Variants in CACNA1B observed in about 807,000 individuals in gnomAD.
CACNA1B encodes calcium voltage-gated channel subunit alpha1 B.
A neutral mutation model predicts 247.2 loss-of-function variants in CACNA1B; 70 were observed. The observed-to-expected ratio is 0.28, with a 90% CI of 0.23 to 0.35. The LOEUF is 0.35. Ranked by LOEUF, CACNA1B falls within the 10% of genes least tolerant of loss-of-function variation. CACNA1B has a pLI of 1.00. For missense variants in CACNA1B, 2,367 were observed against 3,197.4 expected (o/e 0.74, Z 6.26); for synonymous variants, 1,231 against 1,294.4 (o/e 0.95, Z 1.05).
At chr9:137,883,216 C>T (rs1325272043) in intron 3 of CACNA1B, among the ~76,000 whole-genome samples, 5 of 151,580 alleles carry the variant, frequency 3.3e-5, no homozygotes, top group Admixed American at 1.3e-4. Context: ...GGCTTTGCTG[C>T]CCAGGTGAGG....
chr9:137,936,173 A>ATGACCGCCATTCTAAC (rs1451260218), intron 6 of CACNA1B, among the ~76,000 whole-genome samples: 1 of 152,106 alleles, frequency 6.6e-6, no homozygotes, highest in Non-Finnish European at 1.5e-5. Context: ...TGACTTTTTA[A>ATGACCGCCATTCTAAC]TGACCGCCAT....
intron 20 of CACNA1B, chr9:138,032,556 G>T: frequency 2.3e-5 from 8 of 352,288 alleles, no homozygotes; most frequent in Admixed American, 3.9e-5. Flanking sequence ...TTCTTTTGTG[G>T]TAGGTCTGCG....
rs1957866361 is a variant in CACNA1B, at chr9:137,950,473, C to G, written c.967-1801C>G. 6.6e-6 allele frequency among the ~76,000 whole-genome samples: 1 copy of G among 152,184 alleles called. No homozygotes were observed. Among genetic ancestry groups the G allele is most frequent in the African/African-American group, 2.4e-5 (1 of 41,430 alleles). On this transcript the variant is annotated intron_variant, in intron 6 of 46. Transcript: ENST00000371372. The surrounding 1 kb of genome is among the most constrained non-coding windows in gnomAD (Gnocchi z 4.8). ...ATAACCCCTGCTGAGGAGGAACGTTCCACTTCCTACTTGGCTTTCTCTGAC... is the reference window on the plus strand; with the variant it reads ...ATAACCCCTGCTGAGGAGGAACGTTGCACTTCCTACTTGGCTTTCTCTGAC...
rs375535768 is a variant in CACNA1B at position 138,121,658 on chromosome 9, C to A, written c.6679C>A (p.Arg2227=). The stretch of plus-strand genomic sequence containing the variant: ...CAGCCTCCCTGCCTTCTCCCCAGGC[C>A]GGCTCAGCCGTGGGCTTTCCGAACA... ...QTSLPAFSPG[R]LSRGLSEHNA... is the part of the protein sequence containing the mutation. The change falls in exon 47 of 47, where the codon CGG becomes AGG. Residue 2227 remains arginine, a synonymous_variant. Transcript: ENST00000371372. The surrounding 1 kb of genome is among the most constrained non-coding windows in gnomAD (Gnocchi z 6.8). 6.2e-7 allele frequency: 1 copy of A among 1,612,926 alleles called. No individual in the cohort carries two copies. Among genetic ancestry groups the A allele is most frequent in the Non-Finnish European group, 8.5e-7 (1 of 1,179,336 alleles).
In CACNA1B at chr9:137,952,392, G is replaced by C; in HGVS notation, c.1070+15G>C. The C allele has an allele frequency of 1.2e-6, 2 of 1,603,560 alleles. No homozygotes were observed. The highest frequency in any genetic ancestry group is 2.2e-5 in the East Asian group (1 of 44,816). On this transcript the variant is annotated intron_variant, in intron 7 of 46. Transcript: ENST00000371372. This position sits in a 1 kb window ranked among gnomAD's most constrained non-coding sequence, Gnocchi z 4.8. ...GTGCTCTCGGGGTGAGAGACCATGTGGGGGATGTGCAGGTGCCCCTCTGTG... is the reference window on the plus strand; with the variant it reads ...GTGCTCTCGGGGTGAGAGACCATGTCGGGGATGTGCAGGTGCCCCTCTGTG...
Position 138,058,780 on chromosome 9 carries a change from G to A in CACNA1B, c.4473+47G>A. On this transcript the variant is annotated intron_variant, in intron 29 of 46. Transcript: ENST00000371372. This position sits in a 1 kb window ranked among gnomAD's most constrained non-coding sequence, Gnocchi z 4.7. ...GGGGCAGCTGGCGCTGCTAGGGATT[G>A]GGATCTAACCCTGAGGCTGAGTGGA... is the stretch of plus-strand genomic sequence containing the variant. 6.5e-7 allele frequency: 1 copy of A among 1,535,430 alleles called. No individual in the cohort carries two copies. The highest frequency in any genetic ancestry group is 1.2e-5 in the South Asian group (1 of 84,294).
intron 18 of CACNA1B, among the ~76,000 whole-genome samples, chr9:138,019,622 G>C (rs1482364338): frequency 2.0e-5 from 3 of 152,146 alleles, no homozygotes; most frequent in Non-Finnish European, 4.4e-5. Flanking sequence ...CCCTGTCCTA[G>C]TGGTGGTGAG....
chr9:138,062,746 C>T lies in CACNA1B; in HGVS notation c.4668+3009C>T, dbSNP rs542738012. 2.0e-5 allele frequency among the ~76,000 whole-genome samples: 3 copies of T among 152,364 alleles called. No homozygotes were observed. The East Asian group carries it at 5.8e-4, about 29-fold the overall frequency. On this transcript the variant is annotated intron_variant, in intron 31 of 46. Transcript: ENST00000371372. ...GTATCCTTACCTACCACATACACAT[C>T]AAGGACCCTGGGGGTTGCTGGGTTT... is the stretch of plus-strand genomic sequence containing the variant.
rs535337823 is a variant in CACNA1B at position 137,878,707 on chromosome 9, C to T, written c.285-347C>T. Among the ~76,000 whole-genome samples the T allele has an allele frequency of 2.0e-5, 3 of 152,244 alleles. No individual in the cohort carries two copies. The East Asian group carries it at 5.8e-4, about 30-fold the overall frequency. Reference sequence around the variant, plus strand: ...CTGGAGGGAGCAGCGTGCGCCTGCGCGGGGTCTCCCTCCAGCCTCGCCTGG... The same window carrying T: ...CTGGAGGGAGCAGCGTGCGCCTGCGTGGGGTCTCCCTCCAGCCTCGCCTGG... On this transcript the variant is annotated intron_variant, in intron 1 of 46. Coordinates refer to ENST00000371372, the MANE Select transcript of CACNA1B (RefSeq NM_000718.4).
chr9:138,091,415 T>C (rs1292722792), intron 36 of CACNA1B, among the ~76,000 whole-genome samples: 2 of 152,044 alleles, frequency 1.3e-5, no homozygotes, highest in Non-Finnish European at 2.9e-5. Context: ...TAGCCAAAGG[T>C]TGGTGAACGG....
rs769313388 is a variant in CACNA1B, at chr9:138,120,876, C to T, written c.6484C>T (p.Pro2162Ser). The T allele has an allele frequency of 2.0e-5, 31 of 1,568,426 alleles. No individual in the cohort carries two copies. The highest frequency in any genetic ancestry group is 1.7e-6 in the Non-Finnish European group (2 of 1,157,232). The change falls in exon 46 of 47, where the codon CCA becomes TCA. Residue 2162 changes from proline to serine, a missense_variant. Pro to Ser is a moderately conservative substitution (Grantham distance 74). This residue lies in a region of CACNA1B where 773 missense variants were observed against 779.4 expected (regional missense o/e 0.99). Coordinates refer to ENST00000371372, the MANE Select transcript of CACNA1B (RefSeq NM_000718.4). ...PTAGQEPGPH[P>S]QGSGSVNGSP... is the part of the protein sequence containing the mutation. ...AGCTGGCCAGGAGCCGGGACCCCACCCACAGGTAAGAGGAATAGGTGGAGA... is the reference window on the plus strand; with the variant it reads ...AGCTGGCCAGGAGCCGGGACCCCACTCACAGGTAAGAGGAATAGGTGGAGA...
chr9:137,950,532 C>T lies in CACNA1B; in HGVS notation c.967-1742C>T, dbSNP rs1288475639. 6.6e-6 allele frequency among the ~76,000 whole-genome samples: 1 copy of T among 152,162 alleles called. No homozygotes were observed. Among genetic ancestry groups the T allele is most frequent in the Non-Finnish European group, 1.5e-5 (1 of 68,032 alleles). ...ATGGAGGGTGAGGGGATTCGGATGC[C>T]TCACTGCAGTCTAGGTGCTCCTCTG... is the stretch of plus-strand genomic sequence containing the variant. On this transcript the variant is annotated intron_variant, in intron 6 of 46. Coordinates refer to ENST00000371372, the MANE Select transcript of CACNA1B (RefSeq NM_000718.4). This position sits in a 1 kb window ranked among gnomAD's most constrained non-coding sequence, Gnocchi z 4.8.
intron 36 of CACNA1B, among the ~76,000 whole-genome samples, chr9:138,083,902 C>A (rs1040799423): frequency 1.1e-4 from 16 of 150,780 alleles, no homozygotes; most frequent in Non-Finnish European, 1.9e-4. Flanking sequence ...ATCCCAGGGT[C>A]TAGAGTAACC....
At chr9:137,993,714 C>G (rs189868251) in intron 15 of CACNA1B, among the ~76,000 whole-genome samples, 1 of 151,992 alleles carries the variant, frequency 6.6e-6, no homozygotes, top group South Asian at 2.1e-4. Flanking sequence ...AAAAAAATTA[C>G]GAACAAAATA....
Position 138,023,588 on chromosome 9 carries a change from G to A in CACNA1B, c.2845G>A (p.Gly949Ser), listed in dbSNP as rs1958878947. 1 of 1,077,024 alleles carries A rather than the reference G, an allele frequency of 9.3e-7. No individual in the cohort carries two copies. Among genetic ancestry groups the A allele is most frequent in the Non-Finnish European group, 1.1e-6 (1 of 886,824 alleles). The allele number at this position is 1,077,024 out of a possible 1,614,324, so 66.7% of individuals were successfully genotyped here. A position where few individuals can be genotyped will look rare whatever the true frequency, so the allele number is the denominator to read the frequency against. ...RHQDPSKECA[G>S]AKGERRARHR... Reference sequence around the variant, plus strand: ...CCAGGATCCGAGCAAGGAGTGCGCCGGCGCCAAGGGCGAGCGGCGCGCGCG... The same window carrying A: ...CCAGGATCCGAGCAAGGAGTGCGCCAGCGCCAAGGGCGAGCGGCGCGCGCG... Residue 949 changes from glycine (G) to serine (S), a missense_variant, in exon 19 of 47, where the codon GGC (glycine) becomes AGC (serine). Gly to Ser is a moderately conservative substitution (Grantham distance 56). This residue lies in a region of CACNA1B where 631 missense variants were observed against 631.1 expected (regional missense o/e 1.00). Coordinates refer to ENST00000371372, the MANE Select transcript of CACNA1B (RefSeq NM_000718.4).
chr9:138,073,533 C>A lies in CACNA1B; in HGVS notation c.4720C>A (p.Arg1574=), dbSNP rs202217999. 1 of 1,613,214 alleles carries A rather than the reference C, an allele frequency of 6.2e-7. No homozygotes were observed. The highest frequency in any genetic ancestry group is 1.3e-5 in the African/African-American group (1 of 74,934). Residue 1574 remains arginine, a synonymous_variant, in exon 33 of 47, where the codon CGG becomes AGG. Coordinates refer to ENST00000371372, the MANE Select transcript of CACNA1B (RefSeq NM_000718.4). This position sits in a 1 kb window ranked among gnomAD's most constrained non-coding sequence, Gnocchi z 6.4. ...CTTCCTCCGCCTCTTTCGAGCTGCG[C>A]GGCTGATCAAGCTGCTCCGCCAGGG... ...LSFLRLFRAA[R]LIKLLRQGYT...
In CACNA1B at chr9:138,059,775, G is replaced by A. The variant is rs760492168; in HGVS notation, c.4668+38G>A. On this transcript the variant is annotated intron_variant, in intron 31 of 46. Transcript: ENST00000371372. The surrounding 1 kb of genome is among the most constrained non-coding windows in gnomAD (Gnocchi z 4.2). The stretch of plus-strand genomic sequence containing the variant: ...TCTGTCCCTCCTTCAGGGTCCCCAG[G>A]TGGTTTCCTTCTAGAGCCTGCTCCC... The A allele has an allele frequency of 7.9e-7, 1 of 1,271,094 alleles. No homozygotes were observed. Among genetic ancestry groups the A allele is most frequent in the South Asian group, 1.2e-5 (1 of 83,976 alleles). The allele number at this position is 1,271,094 out of a possible 1,614,324, so 78.7% of individuals were successfully genotyped here. A position where few individuals can be genotyped will look rare whatever the true frequency, so the allele number is the denominator to read the frequency against.
At chr9:137,894,030 G>A (rs1957141337) in intron 3 of CACNA1B, among the ~76,000 whole-genome samples, 1 of 152,194 alleles carries the variant, frequency 6.6e-6, no homozygotes, top group Non-Finnish European at 1.5e-5. Context: ...CTTTGGATTT[G>A]CCTTTTTCAC....
chr9:137,950,486 G>A lies in CACNA1B; in HGVS notation c.967-1788G>A, dbSNP rs1381853870. On this transcript the variant is annotated intron_variant, in intron 6 of 46. Transcript: ENST00000371372. The surrounding 1 kb of genome is among the most constrained non-coding windows in gnomAD (Gnocchi z 4.8). The stretch of plus-strand genomic sequence containing the variant: ...AGGAGGAACGTTCCACTTCCTACTT[G>A]GCTTTCTCTGACAGCACCCCATGGA... 6.6e-6 allele frequency among the ~76,000 whole-genome samples: 1 copy of A among 152,220 alleles called. No individual in the cohort carries two copies. The highest frequency in any genetic ancestry group is 6.5e-5 in the Admixed American group (1 of 15,288).
Sources: allele counts gnomAD v4.1 joint callset (sites outside exome capture counted in the v4.1 genomes callset), GRCh38; gene constraint gnomAD v4.1.1; regional missense constraint gnomAD v4.1.1; non-coding constraint Gnocchi (gnomAD v3.1); transcripts MANE v1.5; gene names NCBI Gene and HGNC (gene_info 2026-07-23, HGNC 2026-07-21).